COMMD1: variants seen among roughly 807,000 people sequenced by gnomAD.
COMMD1 encodes the protein COMM domain-containing protein 1.
Under a neutral mutation model 17.2 loss-of-function variants are expected in COMMD1, and 10 were observed. The observed-to-expected ratio is 0.58, with a 90% CI of 0.36 to 0.99. The LOEUF is 0.99. Among genes scored for constraint, COMMD1 ranks in the 50% least tolerant of loss-of-function variants. The pLI is 0.01. For synonymous variants in COMMD1, 97 were observed against 91.6 expected, an observed-to-expected ratio of 1.06 and a Z score of -0.34; for missense variants, 270 against 231.8, an observed-to-expected ratio of 1.17 and a Z score of -1.07.
chr2:62,098,253 T>C (rs1184917919), intron 2 of COMMD1, among the ~76,000 whole-genome samples: 6 of 150,286 alleles, frequency 4.0e-5, no homozygotes, highest in African/African-American at 7.4e-5. Context: ...GCCTTCTGGG[T>C]TCAAGCAAGA....
At position 62,014,542 on chromosome 2, in the gene COMMD1, C is replaced by CTTTTTT. The variant is rs67886279; in HGVS notation, c.462+13592_462+13597dup. Among the ~76,000 whole-genome samples, 44 of 63,566 alleles carry CTTTTTT rather than the reference C, an allele frequency of 6.9e-4. 2 individuals carry two copies. Among genetic ancestry groups the CTTTTTT allele is most frequent in the East Asian group, 3.8e-3 (6 of 1,568 alleles). The allele number at this position is 63,566 out of a possible 152,430, so 41.7% of individuals were successfully genotyped here. A position where few individuals can be genotyped will look rare whatever the true frequency, so the allele number is the denominator to read the frequency against. ...CATAACAAAATTTTACCATTTTAAC[C>CTTTTTT]TTTTTTTTTTTTTTTTTTTTTTTTT... is the stretch of plus-strand genomic sequence containing the variant. On this transcript the variant is annotated intron_variant, in intron 2 of 2. Transcript: ENST00000311832.
intron 1 of COMMD1, among the ~76,000 whole-genome samples, chr2:61,893,927 A>T (rs1669497644): frequency 6.6e-6 from 1 of 152,136 alleles, no homozygotes; most frequent in Admixed American, 6.6e-5. Flanking sequence ...AGCTGGGCAC[A>T]GTGGTGTGTG....
At chr2:61,964,055 G>A (rs188121014) in intron 1 of COMMD1, among the ~76,000 whole-genome samples, 27 of 152,238 alleles carry the variant, frequency 1.8e-4, no homozygotes, top group Admixed American at 2.6e-4. Flanking sequence ...TTTTTGATCT[G>A]TTTCCCTACT....
chr2:62,049,466 C>T (rs546371259), intron 2 of COMMD1, among the ~76,000 whole-genome samples: 3 of 152,126 alleles, frequency 2.0e-5, no homozygotes, highest in Non-Finnish European at 2.9e-5. Flanking sequence ...TTGGTTGTTT[C>T]ACCTCGGGGC....
chr2:62,106,521 A>C (rs945964329), intron 2 of COMMD1, among the ~76,000 whole-genome samples: 1 of 152,234 alleles, frequency 6.6e-6, no homozygotes, highest in Non-Finnish European at 1.5e-5. Context: ...CACTGGCCTC[A>C]GCTAATTAGA....
intron 1 of COMMD1, among the ~76,000 whole-genome samples, chr2:61,976,109 G>A (rs1671794094): frequency 6.6e-6 from 1 of 151,424 alleles, no homozygotes; most frequent in Non-Finnish European, 1.5e-5. Context: ...AGTTCTATCG[G>A]TTTTTGCGTC....
chr2:62,021,016 A>C (rs537201636), intron 2 of COMMD1, among the ~76,000 whole-genome samples: 6 of 152,242 alleles, frequency 3.9e-5, no homozygotes, highest in Non-Finnish European at 7.4e-5. Context: ...AAAAAAAAAA[A>C]AACTCTACTC....
intron 2 of COMMD1, among the ~76,000 whole-genome samples, chr2:62,053,561 A>G (rs1427799489): frequency 6.6e-6 from 1 of 152,204 alleles, no homozygotes; most frequent in Non-Finnish European, 1.5e-5. Flanking sequence ...AGGTGTTCAG[A>G]TGAGCTCAAA....
chr2:62,069,095 G>A (rs1671132453), intron 2 of COMMD1, among the ~76,000 whole-genome samples: 1 of 152,106 alleles, frequency 6.6e-6, no homozygotes, highest in Non-Finnish European at 1.5e-5. Context: ...GTATAACAAA[G>A]GCAGATATTT....
chr2:62,122,928 C>A (rs1672787017), intron 2 of COMMD1, among the ~76,000 whole-genome samples: 1 of 152,200 alleles, frequency 6.6e-6, no homozygotes, highest in South Asian at 2.1e-4. Context: ...AAAAATGGAA[C>A]CACAGCAGTA....
At chr2:62,025,134 C>T (rs577217997) in intron 2 of COMMD1, among the ~76,000 whole-genome samples, 3 of 151,934 alleles carry the variant, frequency 2.0e-5, no homozygotes, top group African/African-American at 4.8e-5. Context: ...GCAAGAGAAT[C>T]GCTTCAACCC....
At chr2:61,948,046 A>T (rs1473998988) in intron 1 of COMMD1, among the ~76,000 whole-genome samples, 1 of 152,180 alleles carries the variant, frequency 6.6e-6, no homozygotes, top group Non-Finnish European at 1.5e-5. Flanking sequence ...AAGTATACAT[A>T]TAAAATAAAT....
At chr2:62,134,046 C>T (rs1673118469) in intron 2 of COMMD1, among the ~76,000 whole-genome samples, 1 of 152,144 alleles carries the variant, frequency 6.6e-6, no homozygotes, top group South Asian at 2.1e-4. Flanking sequence ...AAGTGATCCT[C>T]CTGCGTCAGC....
chr2:62,031,621 C>T (rs1015624925), intron 2 of COMMD1, among the ~76,000 whole-genome samples: 2 of 151,778 alleles, frequency 1.3e-5, no homozygotes, highest in Non-Finnish European at 2.9e-5. Flanking sequence ...ACATTGGGCT[C>T]GTCTTTTCTC....
intron 2 of COMMD1, chr2:62,090,836 G>A (rs1293635250): frequency 2.0e-5 from 3 of 152,210 alleles, no homozygotes; most frequent in Non-Finnish European, 2.9e-5. Flanking sequence ...TGTTATTATC[G>A]GCTAAAATAG....
intron 1 of COMMD1, among the ~76,000 whole-genome samples, chr2:61,955,803 A>G (rs1671182988): frequency 6.6e-6 from 1 of 152,128 alleles, no homozygotes; most frequent in Non-Finnish European, 1.5e-5. Flanking sequence ...CTCCTGCCTC[A>G]GCCTCCCTAG....
At chr2:61,990,937 C>CACACACACACAT (rs1672236225) in intron 1 of COMMD1, among the ~76,000 whole-genome samples, 2 of 150,230 alleles carry the variant, frequency 1.3e-5, no homozygotes, top group Admixed American at 6.6e-5. Context: ...CACACACACA[C>CACACACACACAT]ACATAATGCC....
At chr2:62,052,307 C>T (rs562022914) in intron 2 of COMMD1, among the ~76,000 whole-genome samples, 170 of 151,924 alleles carry the variant, frequency 1.1e-3, no homozygotes, top group Non-Finnish European at 2.0e-3. Context: ...AAAAATTAGC[C>T]AGTCTTATAA....
At chr2:61,940,773 G>A (rs945137527) in intron 1 of COMMD1, among the ~76,000 whole-genome samples, 4 of 149,818 alleles carry the variant, frequency 2.7e-5, no homozygotes, top group South Asian at 2.1e-4. Flanking sequence ...TGCAAGCTCC[G>A]CCTCCTGGGT....
Sources: allele counts gnomAD v4.1 joint callset (sites outside exome capture counted in the v4.1 genomes callset), GRCh38; gene constraint gnomAD v4.1.1; transcripts MANE v1.5; gene names NCBI Gene and HGNC (gene_info 2026-07-23, HGNC 2026-07-21).